Variants in WDR37 observed in about 807,000 individuals in gnomAD.
WDR37 encodes WD repeat domain 37.
A neutral mutation model predicts 62.9 loss-of-function variants in WDR37; 19 were observed. That is an observed-to-expected ratio of 0.30 (90% CI 0.21 to 0.44). The LOEUF (loss-of-function observed/expected upper bound fraction) is 0.44, where lower values mean the gene tolerates loss of function less well. Ranked by LOEUF, WDR37 falls within the 20% of genes least tolerant of loss-of-function variation. The pLI, the probability that WDR37 is intolerant of heterozygous loss-of-function variation, is 1.00. For missense variants in WDR37, 474 were observed against 657.6 expected (o/e 0.72, Z 3.05); for synonymous variants, 250 against 260.9 (o/e 0.96, Z 0.40).
intron 1 of WDR37, among the ~76,000 whole-genome samples, chr10:1,069,381 A>ATTTTTTT: frequency 3.7e-5 from 1 of 27,154 alleles, no homozygotes; most frequent in African/African-American, 1.4e-4. Flanking sequence ...ATATATATAT[A>ATTTTTTT]TATATATATT....
At chr10:1,107,296 C>G (rs1301369194) in intron 11 of WDR37, among the ~76,000 whole-genome samples, 3 of 110,298 alleles carry the variant, frequency 2.7e-5, no homozygotes, top group Non-Finnish European at 5.5e-5. Context: ...CCTGGCACCA[C>G]TGTGTAGGGC....
intron 1 of WDR37, among the ~76,000 whole-genome samples, chr10:1,069,391 T>TA (rs200599689): frequency 0.03 from 1,389 of 45,820 alleles, 15 homozygotes; most frequent in Non-Finnish European, 0.039. Context: ...ATATATATAT[T>TA]TTTTTTTTTT....
At chr10:1,061,572 G>T (rs181915463) in intron 1 of WDR37, among the ~76,000 whole-genome samples, 406 of 152,306 alleles carry the variant, frequency 2.7e-3, no homozygotes, top group Non-Finnish European at 4.3e-3. Context: ...TGCTGTGGTG[G>T]CTCAGGCCAG....
chr10:1,114,931 A>G (rs910426931), intron 11 of WDR37, among the ~76,000 whole-genome samples: 1 of 152,048 alleles, frequency 6.6e-6, no homozygotes, highest in Non-Finnish European at 1.5e-5. Context: ...TTTTGCTGTC[A>G]TGACATTTGC....
intron 11 of WDR37, among the ~76,000 whole-genome samples, chr10:1,108,706 C>T (rs1286861035): frequency 6.7e-6 from 1 of 148,722 alleles, no homozygotes; most frequent in East Asian, 2.0e-4. Flanking sequence ...TGGTTGTGAT[C>T]CCTGTGGTTG....
chr10:1,112,063 A>G (rs920016735), intron 11 of WDR37, among the ~76,000 whole-genome samples: 9 of 151,994 alleles, frequency 5.9e-5, no homozygotes, highest in Non-Finnish European at 1.3e-4. Flanking sequence ...CTTGGTGGCT[A>G]TTTCTTACAC....
At chr10:1,102,126 G>A (rs1273295978) in intron 9 of WDR37, among the ~76,000 whole-genome samples, 1 of 148,786 alleles carries the variant, frequency 6.7e-6, no homozygotes, top group Non-Finnish European at 1.5e-5. Context: ...GCTGCTGTGC[G>A]TCCCTGTGAC....
chr10:1,107,359 G>A (rs1469261763), intron 11 of WDR37, among the ~76,000 whole-genome samples: 4 of 152,268 alleles, frequency 2.6e-5, no homozygotes, highest in African/African-American at 7.2e-5. Flanking sequence ...GAATTCATTG[G>A]AAGGGCAGTC....
At chr10:1,110,755 G>GC (rs1466343807) in intron 11 of WDR37, among the ~76,000 whole-genome samples, 5 of 152,212 alleles carry the variant, frequency 3.3e-5, no homozygotes, top group Non-Finnish European at 5.9e-5. Context: ...GACCCTCTGC[G>GC]CCGGGGGCTT....
At chr10:1,107,282 A>G (rs7894567) in intron 11 of WDR37, among the ~76,000 whole-genome samples, 44,292 of 149,862 alleles carry the variant, frequency 0.3, 6,513 homozygotes, top group African/African-American at 0.34. Context: ...ACCTGGGCCC[A>G]CCACCTGGCA....
In WDR37 at chr10:1,079,998, T is replaced by C; in HGVS notation, c.236-13T>C. The C allele has an allele frequency of 1.2e-6, 2 of 1,612,662 alleles. No homozygotes were observed. Among genetic ancestry groups the C allele is most frequent in the South Asian group, 2.2e-5 (2 of 90,632 alleles). On this transcript the variant is annotated splice_polypyrimidine_tract_variant and intron_variant, in intron 3 of 13. Transcript: ENST00000263150. The stretch of plus-strand genomic sequence containing the variant: ...AACATACTTTAGATTTTTGAAAACT[T>C]TTTTCTTCCCAGTACGTAGAGAAAT...
chr10:1,080,059 A>C lies in WDR37; in HGVS notation c.284A>C (p.Gln95Pro), dbSNP rs1297373824. Residue 95 changes from glutamine to proline, a missense_variant, in exon 4 of 14, where the codon CAA becomes CCA. Physicochemically the swap from Gln to Pro is moderately conservative, Grantham distance 76. Coordinates refer to ENST00000263150, the MANE Select transcript of WDR37 (RefSeq NM_014023.4). ...AATGAACGTTTAGCTGCTGAAGGAC[A>C]AGCGATTGATGGAGCAGAGCTGAGT... ...TLNERLAAEG[Q>P]AIDGAELSKG... 1.2e-6 allele frequency: 2 copies of C among 1,614,190 alleles called. No homozygotes were observed. Among genetic ancestry groups the C allele is most frequent in the Middle Eastern group, 1.6e-4 (1 of 6,062 alleles).
chr10:1,124,252 A>G lies in WDR37; in HGVS notation c.1138A>G (p.Asn380Asp). 3.7e-6 allele frequency: 6 copies of G among 1,614,226 alleles called. No homozygotes were observed. Among genetic ancestry groups the G allele is most frequent in the Non-Finnish European group, 5.1e-6 (6 of 1,180,040 alleles). The change falls in exon 12 of 14, where the codon AAC (asparagine) becomes GAC (aspartate). Residue 380 changes from asparagine (N) to aspartate (D), a missense_variant. Coordinates refer to ENST00000263150, the MANE Select transcript of WDR37 (RefSeq NM_014023.4). The stretch of plus-strand genomic sequence containing the variant: ...TTCTGCCGTGTTCACCGTGGGAGAC[A>G]ACGTGGTTTCAGGCAGCGATGACCG... ...VTSAVFTVGD[N>D]VVSGSDDRTV...
intron 11 of WDR37, among the ~76,000 whole-genome samples, chr10:1,107,218 T>C (rs1835051562): frequency 6.6e-6 from 1 of 152,200 alleles, no homozygotes; most frequent in South Asian, 2.1e-4. Flanking sequence ...TTGGATGTGG[T>C]GCTCCCCGAC....
chr10:1,104,475 G>T (rs1161608259), intron 10 of WDR37, among the ~76,000 whole-genome samples: 1 of 152,178 alleles, frequency 6.6e-6, no homozygotes, highest in Non-Finnish European at 1.5e-5. Context: ...CCAACTTCTG[G>T]GACCCTTTTT....
At position 1,080,096 on chromosome 10, in the gene WDR37, C is replaced by T; in HGVS notation, c.321C>T (p.Leu107=). 6.2e-7 allele frequency: 1 copy of T among 1,614,028 alleles called. No homozygotes were observed. Among genetic ancestry groups the T allele is most frequent in the Non-Finnish European group, 8.5e-7 (1 of 1,179,976 alleles). ...IDGAELSKGQ[L]KTKASHSTSQ... Reference sequence around the variant, plus strand: ...GAGCAGAGCTGAGTAAGGGCCAACTCAAAACAAAAGGTAAGGTGAATCCCA... The same window carrying T: ...GAGCAGAGCTGAGTAAGGGCCAACTTAAAACAAAAGGTAAGGTGAATCCCA... The change falls in exon 4 of 14, where the codon CTC becomes CTT. Residue 107 remains leucine (L), a synonymous_variant. Transcript: ENST00000263150.
At position 1,077,994 on chromosome 10, in the gene WDR37, A is replaced by G; in HGVS notation, c.226A>G (p.Asn76Asp). The G allele has an allele frequency of 6.2e-7, 1 of 1,607,326 alleles. No homozygotes were observed. Among genetic ancestry groups the G allele is most frequent in the Non-Finnish European group, 8.5e-7 (1 of 1,175,822 alleles). Residue 76 changes from asparagine (N) to aspartate (D), a missense_variant, in exon 3 of 14, where the codon AAC becomes GAC. By Grantham distance (23) the Asn-to-Asp change is conservative. Transcript: ENST00000263150. ...AGAATTTGAAAACCTTTATATCGAA[A>G]ACTTAGAATGTGAGTATCTCCTATT... is the stretch of plus-strand genomic sequence containing the variant. ...EREFENLYIE[N>D]LELRREIDTL...
At chr10:1,084,231 C>G (rs532038245) in intron 5 of WDR37, among the ~76,000 whole-genome samples, 172 bp from the exon 6 acceptor site, 9 of 152,340 alleles carry the variant, frequency 5.9e-5, no homozygotes, top group Non-Finnish European at 1.0e-4. Flanking sequence ...AACCCGCCAC[C>G]CTTTCCACGC....
At chr10:1,077,826 A>G (rs781560351) in intron 2 of WDR37, 81 bp from the exon 3 acceptor site, 2 of 1,014,462 alleles carry the variant, frequency 2.0e-6, no homozygotes, top group African/African-American at 3.3e-5. Flanking sequence ...ACAATAAAAG[A>G]TAATTCACTT....
Sources: allele counts gnomAD v4.1 joint callset (sites outside exome capture counted in the v4.1 genomes callset), GRCh38; gene constraint gnomAD v4.1.1; transcripts MANE v1.5; gene names NCBI Gene and HGNC (gene_info 2026-07-23, HGNC 2026-07-21).